SLC26A6: variants seen among roughly 807,000 people sequenced by gnomAD.
SLC26A6 encodes the protein solute carrier family 26 member 6, also known as anion exchange transporter.
SLC26A6 carries 67 observed loss-of-function variants against 87.1 expected under a neutral mutation model. The ratio of observed to expected loss-of-function variants is 0.77; its 90% CI spans 0.63 to 0.94. The LOEUF is 0.94. SLC26A6 is among the 40% of genes least tolerant of loss of function. The pLI is 0.00. For missense variants in SLC26A6, 902 were observed against 973.0 expected (o/e 0.93, Z 0.97); for synonymous variants, 414 against 405.9 (o/e 1.02, Z -0.24).
Position 48,630,528 on chromosome 3 carries a change from G to A in SLC26A6, c.1249-13C>T, listed in dbSNP as rs770379213. 9.6e-6 allele frequency: 15 copies of A among 1,558,922 alleles called. No individual in the cohort carries two copies. Among genetic ancestry groups the A allele is most frequent in the Non-Finnish European group, 1.2e-5 (14 of 1,150,954 alleles). ...TGGCTCCAGCAACCTGTTCGGGGAG[G>A]GAGTGAGCAGGGGAGAGACCTCCTT... On this transcript the variant is annotated splice_polypyrimidine_tract_variant and intron_variant, in intron 10 of 20. Transcript: ENST00000395550.
chr3:48,632,822 C>G, intron 4 of SLC26A6, 152 bp downstream of exon 4: 1 of 785,236 alleles, frequency 1.3e-6, no homozygotes. Flanking sequence ...GGGTCTAGTC[C>G]TGCCTGGGGA....
chr3:48,625,748 A>G lies in SLC26A6; in HGVS notation c.*238T>C. 1.6e-6 allele frequency: 1 copy of G among 606,402 alleles called. No homozygotes were observed. The highest frequency in any genetic ancestry group is 1.9e-5 in the South Asian group (1 of 52,390). The allele number at this position is 606,402 out of a possible 1,614,324, so 37.6% of individuals were successfully genotyped here. ...TTGAGCAGACAAATCTTTATTCCTGAGGCTAAAATATGCACCAGTTCCCTC... is the reference window on the plus strand; with the variant it reads ...TTGAGCAGACAAATCTTTATTCCTGGGGCTAAAATATGCACCAGTTCCCTC... On this transcript the variant is annotated 3_prime_UTR_variant, in exon 21 of 21. Coordinates refer to ENST00000395550, the MANE Select transcript of SLC26A6 (RefSeq NM_022911.3). The surrounding 1 kb of genome is among the most constrained non-coding windows in gnomAD (Gnocchi z 4.7).
chr3:48,628,405 T>A lies in SLC26A6; in HGVS notation c.1800+29A>T. 1 of 1,595,746 alleles carries A rather than the reference T, an allele frequency of 6.3e-7. No homozygotes were observed. Among genetic ancestry groups the A allele is most frequent in the Middle Eastern group, 1.8e-4 (1 of 5,464 alleles). On this transcript the variant is annotated intron_variant, in intron 16 of 20. Transcript: ENST00000395550. The surrounding 1 kb of genome is among the most constrained non-coding windows in gnomAD (Gnocchi z 4.4). ...GGGGCAGGGAACAGGGGGCAGGAGATGGGGGTCACCAGACAAAAGGGGCCC... is the reference window on the plus strand; with the variant it reads ...GGGGCAGGGAACAGGGGGCAGGAGAAGGGGGTCACCAGACAAAAGGGGCCC...
At chr3:48,631,840 T>A in intron 6 of SLC26A6, 39 bp from the exon 7 acceptor site, 3 of 1,613,076 alleles carry the variant, frequency 1.9e-6, no homozygotes, top group Non-Finnish European at 2.5e-6. Flanking sequence ...CTCAAGGCCA[T>A]GGGGCACACC....
In SLC26A6 at chr3:48,631,960, C is replaced by T. The variant is rs536270646; in HGVS notation, c.670G>A (p.Val224Met). 19 of 1,613,560 alleles carry T rather than the reference C, an allele frequency of 1.2e-5. No homozygotes were observed. In the South Asian group the frequency reaches 1.5e-4, roughly 13 times the overall value. The change falls in exon 6 of 21, where the codon GTG (valine) becomes ATG (methionine). Residue 224 changes from valine (V) to methionine (M), a missense_variant. Around this residue, in one of 3 missense-constraint regions of SLC26A6, gnomAD observed 800 missense variants for 856.8 expected, o/e 0.93. Transcript: ENST00000395550. ...LVRGYTTAAA[V>M]QVFVSQLKYV... ...TTGAGCTGTGAGACGAAGACCTGCA[C>T]AGCTGCAGCTGTGGTATAGCCTCGG...
chr3:48,633,690 C>T, intron 1 of SLC26A6, 55 bp from the exon 2 acceptor site: 2 of 1,596,796 alleles, frequency 1.3e-6, no homozygotes, highest in Non-Finnish European at 8.5e-7. Flanking sequence ...CCAACCTCCC[C>T]TACACCTCCA....
intron 1 of SLC26A6, among the ~76,000 whole-genome samples, chr3:48,634,982 T>A (rs1284550967): frequency 6.6e-6 from 1 of 152,170 alleles, no homozygotes; most frequent in African/African-American, 2.4e-5. Flanking sequence ...GCCGGAGCGC[T>A]CACTCCGGGA....
rs1234897643 is a variant in SLC26A6, at chr3:48,630,624, T to C, written c.1231A>G (p.Thr411Ala). 22 of 1,585,820 alleles carry C rather than the reference T, an allele frequency of 1.4e-5. No individual in the cohort carries two copies. Among genetic ancestry groups the C allele is most frequent in the Non-Finnish European group, 1.7e-5 (20 of 1,164,452 alleles). Residue 411 changes from threonine (T) to alanine (A), a missense_variant, in exon 10 of 21, where the codon ACC (threonine) becomes GCC (alanine). By Grantham distance (58) the Thr-to-Ala change is moderately conservative (BLOSUM62 0). Coordinates refer to ENST00000395550, the MANE Select transcript of SLC26A6 (RefSeq NM_022911.3). ...SMSRSLVQES[T>A]GGNSQVAGAI... ...AAGCCCACCTGCGAGTTGCCCCCGGTGCTCTCCTGTACCAGGCTCCGAGAC... is the reference window on the plus strand; with the variant it reads ...AAGCCCACCTGCGAGTTGCCCCCGGCGCTCTCCTGTACCAGGCTCCGAGAC...
rs778543964 is a variant in SLC26A6 at position 48,628,428 on chromosome 3, C to T, written c.1800+6G>A. ...GATGGGGGTCACCAGACAAAAGGGG[C>T]CCTGCCTGTTTCCGAAGCTTCTCCT... On this transcript the variant is annotated splice_donor_region_variant and intron_variant, in intron 16 of 20. Coordinates refer to ENST00000395550, the MANE Select transcript of SLC26A6 (RefSeq NM_022911.3). The surrounding 1 kb of genome is among the most constrained non-coding windows in gnomAD (Gnocchi z 4.4). 6.2e-7 allele frequency: 1 copy of T among 1,613,636 alleles called. No homozygotes were observed. Among genetic ancestry groups the T allele is most frequent in the South Asian group, 1.1e-5 (1 of 91,068 alleles).
chr3:48,626,258 G>A lies in SLC26A6; in HGVS notation c.2225C>T (p.Ala742Val). ...GGGGACAGGCCTCGGGTGTTGGAGGGCAAAGGTGACAGCATCATGGACAGA... is the reference window on the plus strand; with the variant it reads ...GGGGACAGGCCTCGGGTGTTGGAGGACAAAGGTGACAGCATCATGGACAGA... ...FASVHDAVTF[A>V]LQHPRPVPDS... Residue 742 changes from alanine to valine, a missense_variant, in exon 20 of 21, where the codon GCC (alanine) becomes GTC (valine). Ala to Val is a moderately conservative substitution (Grantham distance 64, BLOSUM62 0). This residue lies in a region of SLC26A6 where 99 missense variants were observed against 100.1 expected (regional missense o/e 0.99). Transcript: ENST00000395550. The A allele has an allele frequency of 6.2e-7, 1 of 1,614,052 alleles. No homozygotes were observed. The highest frequency in any genetic ancestry group is 1.7e-5 in the Admixed American group (1 of 60,018).
chr3:48,631,734 G>C lies in SLC26A6; in HGVS notation c.818C>G (p.Ala273Gly), dbSNP rs1420160963. Residue 273 changes from alanine to glycine, a missense_variant, in exon 7 of 21, where the codon GCT becomes GGT. Coordinates refer to ENST00000395550, the MANE Select transcript of SLC26A6 (RefSeq NM_022911.3). Reference sequence around the variant, plus strand: ...CTTCACCACCACGAGCACCACCCCAGCCACAGCTGCAGTGACCACGGTGCC... The same window carrying C: ...CTTCACCACCACGAGCACCACCCCACCCACAGCTGCAGTGACCACGGTGCC... ...KVGTVVTAAV[A>G]GVVLVVVKLL... The C allele has an allele frequency of 1.2e-6, 2 of 1,613,424 alleles. No homozygotes were observed. The highest frequency in any genetic ancestry group is 1.7e-6 in the Non-Finnish European group (2 of 1,180,024).
chr3:48,626,918 G>C lies in SLC26A6; in HGVS notation c.2031C>G (p.Ala677=). The C allele has an allele frequency of 6.2e-7, 1 of 1,614,158 alleles. No homozygotes were observed. The highest frequency in any genetic ancestry group is 1.3e-5 in the African/African-American group (1 of 75,046). ...GGCACACAGTGTCCACAAAGGAGAG[G>C]GCACCCAGGTCCAGGATGAGGCTGT... ...DFHSLILDLG[A]LSFVDTVCLK... is the part of the protein sequence containing the mutation. Residue 677 remains alanine, a synonymous_variant, in exon 18 of 21, where the codon GCC becomes GCG. Coordinates refer to ENST00000395550, the MANE Select transcript of SLC26A6 (RefSeq NM_022911.3).
At position 48,628,152 on chromosome 3, in the gene SLC26A6, G is replaced by A; in HGVS notation, c.1801-114C>T. The A allele has an allele frequency of 1.0e-6, 1 of 997,534 alleles. No individual in the cohort carries two copies. The highest frequency in any genetic ancestry group is 1.6e-5 in the South Asian group (1 of 62,088). 61.8% of individuals were successfully genotyped at this position (997,534 alleles called of 1,614,324 possible). On this transcript the variant is annotated intron_variant, in intron 16 of 20. Coordinates refer to ENST00000395550, the MANE Select transcript of SLC26A6 (RefSeq NM_022911.3). This position sits in a 1 kb window ranked among gnomAD's most constrained non-coding sequence, Gnocchi z 4.4. ...TGGGCAGGTGGGTGGGCCAGGACCA[G>A]AAGCTGTGGGACCTGCAGCAGCCAG... is the stretch of plus-strand genomic sequence containing the variant.
chr3:48,625,943 C>G lies in SLC26A6; in HGVS notation c.*43G>C. On this transcript the variant is annotated 3_prime_UTR_variant, in exon 21 of 21. Transcript: ENST00000395550. The surrounding 1 kb of genome is among the most constrained non-coding windows in gnomAD (Gnocchi z 4.7). Reference sequence around the variant, plus strand: ...GGGGTGAGGGGCTTCTCAAGGGTGCCCTGCACCTCCAGAGGTGCAGTCTTG... The same window carrying G: ...GGGGTGAGGGGCTTCTCAAGGGTGCGCTGCACCTCCAGAGGTGCAGTCTTG... The G allele has an allele frequency of 6.2e-7, 1 of 1,613,028 alleles. No individual in the cohort carries two copies. The highest frequency in any genetic ancestry group is 1.7e-4 in the Middle Eastern group (1 of 6,054).
intron 17 of SLC26A6, 84 bp from the exon 18 acceptor site, chr3:48,627,139 A>T: frequency 6.6e-7 from 1 of 1,505,232 alleles, no homozygotes; most frequent in Non-Finnish European, 9.0e-7. Flanking sequence ...AGAACACGCA[A>T]GGTCAGATGG....
In SLC26A6 at chr3:48,633,219, G is replaced by A. The variant is rs971968278; in HGVS notation, c.322+32C>T. 20 of 1,605,068 alleles carry A rather than the reference G, an allele frequency of 1.2e-5. No homozygotes were observed. In the African/African-American group the frequency reaches 2.5e-4, roughly 20 times the overall value. ...AGTTTTGGGCATCACAGACCACAGGGTTTCCAGGCCGACGCACTGAAGGTG... is the reference window on the plus strand; with the variant it reads ...AGTTTTGGGCATCACAGACCACAGGATTTCCAGGCCGACGCACTGAAGGTG... On this transcript the variant is annotated intron_variant, in intron 3 of 20. Transcript: ENST00000395550.
intron 19 of SLC26A6, 72 bp from the exon 20 acceptor site, chr3:48,626,426 T>C (rs2046624003): frequency 2.5e-6 from 4 of 1,602,972 alleles, no homozygotes; most frequent in East Asian, 2.2e-5. Flanking sequence ...GCCAACAGAA[T>C]GCCCTGACCT....
chr3:48,628,658 G>T lies in SLC26A6; in HGVS notation c.1656C>A (p.Ala552=). 1 of 1,613,694 alleles carries T rather than the reference G, an allele frequency of 6.2e-7. No homozygotes were observed. Among genetic ancestry groups the T allele is most frequent in the Non-Finnish European group, 8.5e-7 (1 of 1,179,926 alleles). The change falls in exon 15 of 21, where the codon GCC becomes GCA. Residue 552 remains alanine, a synonymous_variant. Coordinates refer to ENST00000395550, the MANE Select transcript of SLC26A6 (RefSeq NM_022911.3). This position sits in a 1 kb window ranked among gnomAD's most constrained non-coding sequence, Gnocchi z 4.4. ...VFRSSATVYF[A]NAEFYSDALK... ...GCGCATCACTGTAGAACTCAGCATTGGCAAAGTACACGGTGGCCGAGGAGC... is the reference window on the plus strand; with the variant it reads ...GCGCATCACTGTAGAACTCAGCATTTGCAAAGTACACGGTGGCCGAGGAGC...
At position 48,631,887 on chromosome 3, in the gene SLC26A6, AG is replaced by A; in HGVS notation, c.742del (p.Leu248SerfsTer33). 1 of 1,613,660 alleles carries A rather than the reference AG, an allele frequency of 6.2e-7. No homozygotes were observed. The highest frequency in any genetic ancestry group is 2.2e-5 in the East Asian group (1 of 44,882). ...HLSSHSGPLS[L>X]IYTVLEVCWK... ...CCCCCTACCCTCACTCACATAGATGAGGGACAGTGGCCCAGAGTGGCTGCTC... is the reference window on the plus strand; with the variant it reads ...CCCCCTACCCTCACTCACATAGATGAGGACAGTGGCCCAGAGTGGCTGCTC... On this transcript the variant is annotated frameshift_variant, in exon 6 of 21. Coordinates refer to ENST00000395550, the MANE Select transcript of SLC26A6 (RefSeq NM_022911.3). LOFTEE classifies it high-confidence loss of function.
Sources: gnomAD v4.1 joint callset for allele counts (sites outside exome capture counted in the v4.1 genomes callset) on GRCh38, gnomAD v4.1.1 for gene constraint, gnomAD v4.1.1 regional missense constraint, Gnocchi (gnomAD v3.1) non-coding constraint, MANE v1.5 for transcripts, NCBI Gene and HGNC (gene_info 2026-07-23, HGNC 2026-07-21) for gene names.